CDH18: variants seen among roughly 807,000 people sequenced by gnomAD.
CDH18 encodes the protein cadherin 18, also known as cadherin-18.
In CDH18, 31 loss-of-function variants were observed where a neutral mutation model predicts 67.9. That is an observed-to-expected ratio of 0.46 (90% CI 0.34 to 0.62). The LOEUF (loss-of-function observed/expected upper bound fraction) is 0.62, where lower values mean the gene tolerates loss of function less well. Ranked by LOEUF, CDH18 falls within the 20% of genes least tolerant of loss-of-function variation. The pLI, the probability that CDH18 is intolerant of heterozygous loss-of-function variation, is 0.01. For missense variants in CDH18, 890 were observed against 975.5 expected (o/e 0.91, Z 1.17); for synonymous variants, 362 against 347.2 (o/e 1.04, Z -0.48).
chr5:20,203,805 T>C (rs146517718), intron 2 of CDH18, among the ~76,000 whole-genome samples: 2 of 152,102 alleles, frequency 1.3e-5, no homozygotes, highest in East Asian at 3.9e-4. Flanking sequence ...AAGATGGCAA[T>C]ATGTGAGTGT....
Position 19,471,882 on chromosome 5 carries a change from G to A in CDH18, c.*1344C>T, listed in dbSNP as rs1223360883. On this transcript the variant is annotated 3_prime_UTR_variant, in exon 13 of 13. Coordinates refer to ENST00000382275, the MANE Select transcript of CDH18 (RefSeq NM_004934.5). ...TAGAAAATTAGATAAGCGTCTGCAA[G>A]CTTTTATGCAATTGAATACTTTGCA... Among the ~76,000 whole-genome samples, 4 of 152,132 alleles carry A rather than the reference G, an allele frequency of 2.6e-5. No homozygotes were observed. Among genetic ancestry groups the A allele is most frequent in the African/African-American group, 7.2e-5 (3 of 41,424 alleles).
At chr5:19,832,554 A>G (rs975277194) in intron 3 of CDH18, among the ~76,000 whole-genome samples, 12 of 151,746 alleles carry the variant, frequency 7.9e-5, no homozygotes, top group African/African-American at 2.9e-4. Flanking sequence ...TTTTTATACA[A>G]GACTGCTATG....
chr5:19,712,358 G>C (rs961988917), intron 5 of CDH18, among the ~76,000 whole-genome samples: 2 of 152,000 alleles, frequency 1.3e-5, no homozygotes, highest in Non-Finnish European at 2.9e-5. Flanking sequence ...AGGGAGGCCT[G>C]GTGTGGAAAG....
intron 4 of CDH18, among the ~76,000 whole-genome samples, chr5:19,739,890 C>T (rs1032749303): frequency 7.9e-5 from 12 of 151,848 alleles, no homozygotes; most frequent in African/African-American, 2.9e-4. Flanking sequence ...ACAAGAAGCA[C>T]AATAAAGTCA....
chr5:19,644,202 C>G (rs1394219329), intron 5 of CDH18, among the ~76,000 whole-genome samples: 3 of 152,080 alleles, frequency 2.0e-5, no homozygotes, highest in Non-Finnish European at 4.4e-5. Flanking sequence ...AAAATCTACT[C>G]AGCATTGTAG....
intron 5 of CDH18, among the ~76,000 whole-genome samples, chr5:19,663,149 A>G (rs778833414): frequency 6.6e-6 from 1 of 151,994 alleles, no homozygotes; most frequent in Non-Finnish European, 1.5e-5. Context: ...GCTTTCAAAA[A>G]TGTTTCCCTT....
intron 2 of CDH18, among the ~76,000 whole-genome samples, chr5:20,085,232 T>A (rs1744839821): frequency 6.6e-6 from 1 of 152,132 alleles, no homozygotes; most frequent in Admixed American, 6.5e-5. Flanking sequence ...CACAAATATC[T>A]AGAGAAGGGG....
At chr5:20,281,810 G>T (rs1255434092) in intron 1 of CDH18, among the ~76,000 whole-genome samples, 1 of 152,114 alleles carries the variant, frequency 6.6e-6, no homozygotes, top group Non-Finnish European at 1.5e-5. Context: ...GGGCATTATG[G>T]CCATTTTCAC....
At chr5:19,713,171 A>T (rs1182143652) in intron 5 of CDH18, among the ~76,000 whole-genome samples, 1 of 152,022 alleles carries the variant, frequency 6.6e-6, no homozygotes. Flanking sequence ...AAAAAAAAGA[A>T]GATTAAGTAA....
intron 1 of CDH18, among the ~76,000 whole-genome samples, chr5:20,375,672 G>A (rs1743355474): frequency 6.6e-6 from 1 of 151,970 alleles, no homozygotes; most frequent in Admixed American, 6.5e-5. Flanking sequence ...TAACTCCTTT[G>A]TTTGTTTGTT....
chr5:19,515,642 C>T (rs1436636824), intron 10 of CDH18, among the ~76,000 whole-genome samples: 3 of 152,006 alleles, frequency 2.0e-5, no homozygotes, highest in Admixed American at 6.6e-5. Context: ...CATGATTTGG[C>T]CTTTTGTTTG....
chr5:20,521,072 A>G (rs1479563739), intron 1 of CDH18, among the ~76,000 whole-genome samples: 1 of 152,212 alleles, frequency 6.6e-6, no homozygotes. Context: ...CAAGGGAAAC[A>G]GAAGCCCTAG....
At position 20,123,889 on chromosome 5, in the gene CDH18, A is replaced by C. The variant is rs1338693624; in HGVS notation, c.-518+131555T>G. Among the ~76,000 whole-genome samples, 6 of 148,484 alleles carry C rather than the reference A, an allele frequency of 4.0e-5. No homozygotes were observed. The East Asian group carries it at 1.2e-3, about 29-fold the overall frequency. ...GAGACAGAGCGAGACTCCGTCTCAA[A>C]AAAAAAAAAAAAAAAAAGAATTTAC... is the stretch of plus-strand genomic sequence containing the variant. On this transcript the variant is annotated intron_variant, in intron 2 of 14. Coordinates refer to the CDH18 transcript ENST00000507958.
At chr5:19,841,106 TCG>T (rs570309764) in intron 2 of CDH18, among the ~76,000 whole-genome samples, 117 of 152,330 alleles carry the variant, frequency 7.7e-4, no homozygotes, top group Admixed American at 2.5e-3. Flanking sequence ...TCTGAGTATT[TCG>T]CTCCTTAAAT....
At chr5:19,826,776 A>G (rs1780454157) in intron 3 of CDH18, among the ~76,000 whole-genome samples, 1 of 152,152 alleles carries the variant, frequency 6.6e-6, no homozygotes, top group Admixed American at 6.5e-5. Context: ...CCAGAACAAA[A>G]ACACACTAAG....
At chr5:19,975,972 T>C (rs186443721) in intron 2 of CDH18, among the ~76,000 whole-genome samples, 3 of 152,312 alleles carry the variant, frequency 2.0e-5, no homozygotes, top group South Asian at 2.1e-4. Flanking sequence ...GAAACAGCTA[T>C]TCCTAACGGT....
rs915343871 is a variant in CDH18, at chr5:19,681,852, G to C, written c.643+39495C>G. ...AATCTCTGTGGTCATCATTTCTAAT[G>C]ATCATGTAGTCTATTATATAAACAT... On this transcript the variant is annotated intron_variant, in intron 5 of 12. Coordinates refer to ENST00000382275, the MANE Select transcript of CDH18 (RefSeq NM_004934.5). Among the ~76,000 whole-genome samples, 3 of 151,810 alleles carry C rather than the reference G, an allele frequency of 2.0e-5. No homozygotes were observed. In the East Asian group the frequency reaches 5.8e-4, roughly 29 times the overall value.
intron 1 of CDH18, among the ~76,000 whole-genome samples, chr5:20,393,451 G>A (rs1745032239): frequency 6.6e-6 from 1 of 151,914 alleles, no homozygotes; most frequent in East Asian, 1.9e-4. Flanking sequence ...ACATTTGTGT[G>A]CCTTTCTTCT....
chr5:20,054,288 T>G (rs1741711072), intron 2 of CDH18, among the ~76,000 whole-genome samples: 1 of 152,182 alleles, frequency 6.6e-6, no homozygotes, highest in East Asian at 1.9e-4. Flanking sequence ...ATGAAAGTAC[T>G]TGTCAGAAGG....
Sources: allele counts gnomAD v4.1 joint callset (sites outside exome capture counted in the v4.1 genomes callset), GRCh38; gene constraint gnomAD v4.1.1; transcripts MANE v1.5; gene names NCBI Gene and HGNC (gene_info 2026-07-23, HGNC 2026-07-21).